The following CCDC60 variants were observed in gnomAD, a reference collection of about 807,000 sequenced individuals.
CCDC60 encodes coiled-coil domain containing 60.
In CCDC60, 54 loss-of-function variants were observed where a neutral mutation model predicts 63.5. The ratio of observed to expected loss-of-function variants is 0.85; its 90% CI spans 0.68 to 1.07. CCDC60 has a LOEUF of 1.07. Ranked by LOEUF, CCDC60 falls within the 50% of genes least tolerant of loss-of-function variation. The pLI is 0.00. For missense variants in CCDC60, 651 were observed against 684.3 expected, an observed-to-expected ratio of 0.95 and a Z score of 0.54; for synonymous variants, 206 against 238.8, an observed-to-expected ratio of 0.86 and a Z score of 1.27.
At chr12:119,339,047 C>T (rs1955504625) in intron 1 of CCDC60, among the ~76,000 whole-genome samples, 1 of 151,944 alleles carries the variant, frequency 6.6e-6, no homozygotes, top group Admixed American at 6.6e-5. Flanking sequence ...ATATGCAAAT[C>T]CTCTGTTTGA....
chr12:119,516,849 T>TA, intron 8 of CCDC60, 142 bp downstream of exon 8: 1 of 607,042 alleles, frequency 1.6e-6, no homozygotes. Flanking sequence ...TCTGAGTTCT[T>TA]ACAATAATCC....
At position 119,420,523 on chromosome 12, in the gene CCDC60, A is replaced by G. The variant is rs1449581941; in HGVS notation, c.91-8160A>G. ...GGGATCTACAAATCAAAACAATTGA[A>G]CTAATGGACATAGGTAGTAGAAGGA... On this transcript the variant is annotated intron_variant, in intron 1 of 13. Coordinates refer to ENST00000327554, the MANE Select transcript of CCDC60 (RefSeq NM_178499.5). This position sits in a 1 kb window ranked among gnomAD's most constrained non-coding sequence, Gnocchi z 4.1. 6.6e-6 allele frequency among the ~76,000 whole-genome samples: 1 copy of G among 152,210 alleles called. No individual in the cohort carries two copies. The highest frequency in any genetic ancestry group is 2.1e-4 in the South Asian group (1 of 4,828).
At chr12:119,530,267 G>GTTT (rs34807849) in intron 12 of CCDC60, among the ~76,000 whole-genome samples, 39 of 144,616 alleles carry the variant, frequency 2.7e-4, no homozygotes, top group African/African-American at 8.6e-4. Context: ...GGGTGAGGGA[G>GTTT]TTTTTTTTTT....
At chr12:119,461,047 C>T (rs934694274) in intron 2 of CCDC60, among the ~76,000 whole-genome samples, 3 of 152,108 alleles carry the variant, frequency 2.0e-5, no homozygotes, top group Admixed American at 6.5e-5. Flanking sequence ...CTGGAATCAA[C>T]CCTACTGTCT....
intron 4 of CCDC60, among the ~76,000 whole-genome samples, chr12:119,483,430 T>C (rs1361909288): frequency 1.3e-5 from 2 of 152,172 alleles, no homozygotes; most frequent in African/African-American, 4.8e-5. Flanking sequence ...CCTTTATCTT[T>C]AAAAAGGGAA....
chr12:119,467,615 GT>G, intron 2 of CCDC60, among the ~76,000 whole-genome samples: 1 of 152,238 alleles, frequency 6.6e-6, no homozygotes, highest in Non-Finnish European at 1.5e-5. Flanking sequence ...CTCCAGAACT[GT>G]GAGAAAGAAG....
Position 119,335,274 on chromosome 12 carries a change from TC to T in CCDC60, c.90+12del. On this transcript the variant is annotated intron_variant, in intron 1 of 13. Transcript: ENST00000327554. ...TCGGAGAACCTAAGGCAGGTAAGTC[TC>T]CCCTCTGCTGAAACCAATCATGTTT... is the stretch of plus-strand genomic sequence containing the variant. The T allele has an allele frequency of 6.3e-7, 1 of 1,582,288 alleles. No homozygotes were observed. The highest frequency in any genetic ancestry group is 8.6e-7 in the Non-Finnish European group (1 of 1,164,232).
At chr12:119,423,801 A>G (rs913650486) in intron 1 of CCDC60, among the ~76,000 whole-genome samples, 1 of 152,092 alleles carries the variant, frequency 6.6e-6, no homozygotes, top group African/African-American at 2.4e-5. Flanking sequence ...CCTTTGTTGA[A>G]CTACCTGTCA....
chr12:119,385,218 C>T (rs1472417156), intron 1 of CCDC60, among the ~76,000 whole-genome samples: 1 of 152,174 alleles, frequency 6.6e-6, no homozygotes, highest in Non-Finnish European at 1.5e-5. Flanking sequence ...CTGCTCTGTG[C>T]CCCAGGAGAA....
intron 1 of CCDC60, among the ~76,000 whole-genome samples, chr12:119,363,868 T>C (rs1193178635): frequency 6.6e-6 from 1 of 152,216 alleles, no homozygotes; most frequent in African/African-American, 2.4e-5. Flanking sequence ...GGTTTTGGTG[T>C]TTGGTTGGTT....
At position 119,538,901 on chromosome 12, in the gene CCDC60, G is replaced by C. The variant is rs1320351762; in HGVS notation, c.1552-1713G>C. Among the ~76,000 whole-genome samples the C allele has an allele frequency of 2.3e-4, 35 of 152,206 alleles. 2 individuals carry two copies. Among genetic ancestry groups the C allele is most frequent in the Non-Finnish European group, 1.5e-5 (1 of 68,042 alleles). The stretch of plus-strand genomic sequence containing the variant: ...TGTGGATGTGCTTTTTGTTGATGTT[G>C]ATGCTATTCCTTTCTGTTTGTTAGT... On this transcript the variant is annotated intron_variant, in intron 13 of 13. Transcript: ENST00000327554.
At chr12:119,474,940 C>T (rs1695845473) in intron 3 of CCDC60, among the ~76,000 whole-genome samples, 1 of 152,120 alleles carries the variant, frequency 6.6e-6, no homozygotes, top group Admixed American at 6.6e-5. Context: ...AGAACAGGAC[C>T]TCTTTAAAGC....
intron 13 of CCDC60, among the ~76,000 whole-genome samples, chr12:119,537,308 G>A (rs1442387595): frequency 6.6e-6 from 1 of 152,124 alleles, no homozygotes; most frequent in African/African-American, 2.4e-5. Flanking sequence ...TTCGCCATTC[G>A]TCTAATCTTT....
chr12:119,436,050 A>T (rs1193668943), intron 2 of CCDC60, among the ~76,000 whole-genome samples: 1 of 152,214 alleles, frequency 6.6e-6, no homozygotes, highest in African/African-American at 2.4e-5. Context: ...GCTTTAAGTT[A>T]GGAACTGGCA....
intron 1 of CCDC60, among the ~76,000 whole-genome samples, chr12:119,426,935 A>G (rs1956912060): frequency 6.6e-6 from 1 of 152,206 alleles, no homozygotes; most frequent in South Asian, 2.1e-4. Flanking sequence ...AGTAGGCACC[A>G]TAGCCCAATT....
At chr12:119,514,206 C>T (rs532811624) in intron 7 of CCDC60, among the ~76,000 whole-genome samples, 2 of 151,194 alleles carry the variant, frequency 1.3e-5, no homozygotes, top group South Asian at 2.1e-4. Context: ...GACAAAGTTT[C>T]GCTCATGTTG....
intron 2 of CCDC60, among the ~76,000 whole-genome samples, chr12:119,448,813 A>T (rs1289970425): frequency 6.6e-6 from 1 of 152,082 alleles, no homozygotes. Context: ...GCCTTCCAGA[A>T]ATCACCCTAA....
At chr12:119,462,380 T>G (rs573783792) in intron 2 of CCDC60, among the ~76,000 whole-genome samples, 15 of 152,316 alleles carry the variant, frequency 9.8e-5, no homozygotes, top group Admixed American at 5.2e-4. Context: ...TGTTTACCTC[T>G]TTGCCTCAGC....
At chr12:119,408,917 C>G (rs568404307) in intron 1 of CCDC60, among the ~76,000 whole-genome samples, 1 of 152,220 alleles carries the variant, frequency 6.6e-6, no homozygotes, top group Non-Finnish European at 1.5e-5. Context: ...CAAAGAGAAG[C>G]TCACAACTTG....
Sources: gnomAD v4.1 joint callset for allele counts (sites outside exome capture counted in the v4.1 genomes callset) on GRCh38, gnomAD v4.1.1 for gene constraint, Gnocchi (gnomAD v3.1) non-coding constraint, MANE v1.5 for transcripts, NCBI Gene and HGNC (gene_info 2026-07-23, HGNC 2026-07-21) for gene names.